Variants in KRT79 observed in about 807,000 individuals in gnomAD.
KRT79 encodes the protein keratin, type II cytoskeletal 79.
A neutral mutation model predicts 49.0 loss-of-function variants in KRT79; 51 were observed. The observed-to-expected ratio is 1.04, with a 90% CI of 0.83 to 1.31. The LOEUF (loss-of-function observed/expected upper bound fraction) is 1.31, where lower values mean the gene tolerates loss of function less well. Among genes scored for constraint, KRT79 ranks in the 40% most tolerant of loss-of-function variants. The probability of loss-of-function intolerance (pLI) is 0.00; values close to 1 mark genes in which losing one functional copy is unlikely to be tolerated. For missense variants in KRT79, 728 were observed against 688.0 expected (o/e 1.06, Z -0.65); for synonymous variants, 312 against 286.6 (o/e 1.09, Z -0.90).
In KRT79 at chr12:52,830,238, G is replaced by A; in HGVS notation, c.753C>T (p.Leu251=). The part of the protein sequence containing the change: ...HTAAENEFVV[L]KKDVDAAYMG... ...CCCACTCCACTCGGCTCACCTTCTT[G>A]AGCACCACAAACTCGTTCTCTGCAG... is the stretch of plus-strand genomic sequence containing the variant. Residue 251 remains leucine, a synonymous_variant, in exon 3 of 9, where the codon CTC becomes CTT. Transcript: ENST00000330553. 1 of 1,614,176 alleles carries A rather than the reference G, an allele frequency of 6.2e-7. No homozygotes were observed. Among genetic ancestry groups the A allele is most frequent in the Non-Finnish European group, 8.5e-7 (1 of 1,180,026 alleles).
At position 52,833,781 on chromosome 12, in the gene KRT79, C is replaced by A; in HGVS notation, c.477+3G>T. The A allele has an allele frequency of 6.2e-7, 1 of 1,612,048 alleles. No homozygotes were observed. Among genetic ancestry groups the A allele is most frequent in the Non-Finnish European group, 8.5e-7 (1 of 1,178,262 alleles). ...CTCCCTTCCTCCTTCCTGCTTGGCCCACCTTGTCGATGAAGGAGGCGAACT... is the reference window on the plus strand; with the variant it reads ...CTCCCTTCCTCCTTCCTGCTTGGCCAACCTTGTCGATGAAGGAGGCGAACT... On this transcript the variant is annotated splice_donor_region_variant and intron_variant, in intron 1 of 8. Transcript: ENST00000330553.
At chr12:52,826,807 G>C (rs1023452060) in intron 4 of KRT79, among the ~76,000 whole-genome samples, 1 of 152,144 alleles carries the variant, frequency 6.6e-6, no homozygotes. Context: ...CCAGATTGCC[G>C]TGGGATCTGG....
intron 1 of KRT79, 61 bp downstream of exon 1, chr12:52,833,723 C>CCT: frequency 7.3e-7 from 1 of 1,377,380 alleles, no homozygotes; most frequent in African/African-American, 1.4e-5. Flanking sequence ...CCCAGCCCAC[C>CCT]CTCTATTAGA....
chr12:52,833,651 C>A (rs1011012548), intron 1 of KRT79, 133 bp downstream of exon 1: 3 of 787,440 alleles, frequency 3.8e-6, no homozygotes, highest in Non-Finnish European at 6.6e-6. Flanking sequence ...AGGCTCAGAC[C>A]GGGAGAGCTC....
In KRT79 at chr12:52,831,395, G is replaced by T; in HGVS notation, c.698+11C>A. 1 of 1,613,004 alleles carries T rather than the reference G, an allele frequency of 6.2e-7. No homozygotes were observed. The highest frequency in any genetic ancestry group is 8.5e-7 in the Non-Finnish European group (1 of 1,179,012). ...ACTCCCACATGGCCCCGCCTGGCCT[G>T]CTCTCCTCACTTGTTCTTGAAGTCC... On this transcript the variant is annotated intron_variant, in intron 2 of 8. Coordinates refer to ENST00000330553, the MANE Select transcript of KRT79 (RefSeq NM_175834.3).
Position 52,823,176 on chromosome 12 carries a change from C to A in KRT79, c.1207G>T (p.Asp403Tyr). Residue 403 changes from aspartate to tyrosine, a missense_variant, in exon 7 of 9, where the codon GAT becomes TAT. Coordinates refer to ENST00000330553, the MANE Select transcript of KRT79 (RefSeq NM_175834.3). ...AEQRGELALK[D>Y]AQKKLGDLDV... ...AGATCCCCAAGCTTCTTCTGAGCAT[C>A]CTTGAGTGCCAGCTCCCCACGCTGC... 6.2e-7 allele frequency: 1 copy of A among 1,614,236 alleles called. No homozygotes were observed. The highest frequency in any genetic ancestry group is 8.5e-7 in the Non-Finnish European group (1 of 1,180,044).
Position 52,830,103 on chromosome 12 carries a change from ATGC to A in KRT79, c.772_774del (p.Ala258del), listed in dbSNP as rs1172515734. 2.5e-6 allele frequency: 4 copies of A among 1,614,002 alleles called. No homozygotes were observed. Among genetic ancestry groups the A allele is most frequent in the Non-Finnish European group, 3.4e-6 (4 of 1,180,006 alleles). Reference sequence around the variant, plus strand: ...CCATGCAGATCCATCCGGCCCATGTATGCTGCATCCACATCCTGGGGACGAGAG... The same window carrying A: ...CCATGCAGATCCATCCGGCCCATGTATGCATCCACATCCTGGGGACGAGAG... On this transcript the variant is annotated inframe_deletion, in exon 4 of 9. Transcript: ENST00000330553.
intron 7 of KRT79, 69 bp downstream of exon 7, chr12:52,822,947 A>C (rs1303356781): frequency 2.0e-6 from 3 of 1,495,428 alleles, no homozygotes; most frequent in Admixed American, 4.3e-5. Flanking sequence ...ACCCCGGAGC[A>C]GACTCCCTGG....
chr12:52,826,552 G>C (rs1304467130), intron 4 of KRT79, among the ~76,000 whole-genome samples: 1 of 151,876 alleles, frequency 6.6e-6, no homozygotes, highest in African/African-American at 2.4e-5. Context: ...CCGATGAAAG[G>C]GAGCTCGTGA....
intron 4 of KRT79, 33 bp from the exon 5 acceptor site, chr12:52,824,395 C>G: frequency 6.2e-7 from 1 of 1,606,394 alleles, no homozygotes. Flanking sequence ...CACCAGCACC[C>G]CTGCTCCAGG....
intron 4 of KRT79, among the ~76,000 whole-genome samples, chr12:52,825,213 G>C (rs571441873): frequency 1.3e-5 from 2 of 152,202 alleles, no homozygotes; most frequent in South Asian, 4.1e-4. Flanking sequence ...CTAAACTCCA[G>C]CTCTGACAAA....
chr12:52,832,171 A>T (rs1390032033), intron 1 of KRT79, among the ~76,000 whole-genome samples: 1 of 152,072 alleles, frequency 6.6e-6, no homozygotes, highest in Admixed American at 6.5e-5. Context: ...AGGAGGCTGA[A>T]GTGGGAGGAT....
At position 52,821,761 on chromosome 12, in the gene KRT79, G is replaced by A; in HGVS notation, c.*111C>T. 1.1e-6 allele frequency: 1 copy of A among 928,870 alleles called. No individual in the cohort carries two copies. The highest frequency in any genetic ancestry group is 1.5e-5 in the South Asian group (1 of 66,636). 57.5% of individuals were successfully genotyped at this position (928,870 alleles called of 1,614,324 possible). On this transcript the variant is annotated 3_prime_UTR_variant, in exon 9 of 9. Transcript: ENST00000330553. Reference sequence around the variant, plus strand: ...ATAGTCTGGTATGAAAATACCCTGGGTCTGAGGTCCCCTGGCTGTTCCTGC... The same window carrying A: ...ATAGTCTGGTATGAAAATACCCTGGATCTGAGGTCCCCTGGCTGTTCCTGC...
In KRT79 at chr12:52,824,258, G is replaced by A. The variant is rs1048082161; in HGVS notation, c.960C>T (p.Ala320=). 6.2e-7 allele frequency: 1 copy of A among 1,614,214 alleles called. No individual in the cohort carries two copies. The highest frequency in any genetic ancestry group is 8.5e-7 in the Non-Finnish European group (1 of 1,180,048). The change falls in exon 5 of 9, where the codon GCC becomes GCT. Residue 320 remains alanine, a synonymous_variant. Coordinates refer to ENST00000330553, the MANE Select transcript of KRT79 (RefSeq NM_175834.3). ...DLDSIIAEVK[A]QYELIAQRSR... ...TCCTCTGGGCAATCAGCTCATACTGGGCCTTGACCTCGGCGATGATGCTGT... is the reference window on the plus strand; with the variant it reads ...TCCTCTGGGCAATCAGCTCATACTGAGCCTTGACCTCGGCGATGATGCTGT...
chr12:52,828,637 T>C (rs1170618070), intron 4 of KRT79, among the ~76,000 whole-genome samples: 1 of 152,204 alleles, frequency 6.6e-6, no homozygotes, highest in African/African-American at 2.4e-5. Context: ...GCTACCCACA[T>C]ACAGGAAGTT....
chr12:52,822,400 A>G (rs4415849), intron 7 of KRT79, 21 bp from the exon 8 acceptor site: 1,557,050 of 1,557,190 alleles, frequency 1, 778,455 homozygotes, highest in East Asian at 1. Context: ...CAGAAAGGCC[A>G]GGAGAGCAGT....
intron 1 of KRT79, 89 bp downstream of exon 1, chr12:52,833,695 G>T: frequency 9.8e-7 from 1 of 1,015,726 alleles, no homozygotes; most frequent in Non-Finnish European, 1.6e-6. Context: ...TAGTACAAGT[G>T]GGCTACAGCA....
In KRT79 at chr12:52,822,968, AGGGCAGGCCCGACCCAGCTTTCTGGGTC is replaced by A. The variant is rs1394918444; in HGVS notation, c.1367+20_1367+47del. The A allele has an allele frequency of 1.9e-6, 3 of 1,578,300 alleles. No individual in the cohort carries two copies. Among genetic ancestry groups the A allele is most frequent in the East Asian group, 2.2e-5 (1 of 44,656 alleles). ...GAGCAGACTCCCTGGGCTCTCCCCC[AGGGCAGGCCCGACCCAGCTTTCTGGGTC>A]GGGCAGGAGGGGCCACCACCTGCTC... is the stretch of plus-strand genomic sequence containing the variant. On this transcript the variant is annotated intron_variant, in intron 7 of 8. Coordinates refer to ENST00000330553, the MANE Select transcript of KRT79 (RefSeq NM_175834.3).
In KRT79 at chr12:52,831,488, G is replaced by C; in HGVS notation, c.616C>G (p.Leu206Val). 2 of 1,614,258 alleles carry C rather than the reference G, an allele frequency of 1.2e-6. No homozygotes were observed. The highest frequency in any genetic ancestry group is 1.7e-6 in the Non-Finnish European group (2 of 1,180,050). ...CCCCGCTCGCTCTGAAGTCTGTCCA[G>C]CGTGCTCCGCATGCTACCCAGGTAG... ...EAYLGSMRST[L>V]DRLQSERGRL... is the part of the protein sequence containing the mutation. Residue 206 changes from leucine (L) to valine (V), a missense_variant, in exon 2 of 9, where the codon CTG becomes GTG. Physicochemically the swap from Leu to Val is conservative, Grantham distance 32. Transcript: ENST00000330553.
Sources: allele counts gnomAD v4.1 joint callset (sites outside exome capture counted in the v4.1 genomes callset), GRCh38; gene constraint gnomAD v4.1.1; transcripts MANE v1.5; gene names NCBI Gene and HGNC (gene_info 2026-07-23, HGNC 2026-07-21).